SPMAP2L: variants seen among roughly 807,000 people sequenced by gnomAD.
SPMAP2L encodes the protein sperm microtubule associated protein 2-like.
chr4:56,593,157 A>C, the SPMAP2L span: 1 of 1,563,200 alleles, frequency 6.4e-7, no homozygotes, highest in Non-Finnish European at 8.8e-7. Flanking sequence ...TACCAGCCTG[A>C]GGTGTCTCAG....
the SPMAP2L span, among the ~76,000 whole-genome samples, chr4:56,540,245 T>G: frequency 6.6e-6 from 1 of 152,102 alleles, no homozygotes. Flanking sequence ...GGACCGGCAT[T>G]CAAAGCCATA....
At chr4:56,564,718 T>C in the SPMAP2L span, among the ~76,000 whole-genome samples, 1 of 152,164 alleles carries the variant, frequency 6.6e-6, no homozygotes, top group African/African-American at 2.4e-5. Flanking sequence ...TTTATTTTAT[T>C]TGCTTTTCTT....
the SPMAP2L span, among the ~76,000 whole-genome samples, chr4:56,584,943 G>A: frequency 2.6e-5 from 4 of 152,200 alleles, no homozygotes; most frequent in Non-Finnish European, 4.4e-5. Context: ...ATAGGGGCAA[G>A]TCAGCAGTTC....
At chr4:56,565,822 T>C in the SPMAP2L span, among the ~76,000 whole-genome samples, 3 of 152,174 alleles carry the variant, frequency 2.0e-5, no homozygotes, top group African/African-American at 4.8e-5. Flanking sequence ...AGGGATACAG[T>C]TAACCCCTTT....
At chr4:56,575,505 G>T in the SPMAP2L span, 1 of 1,534,504 alleles carries the variant, frequency 6.5e-7, no homozygotes, top group South Asian at 1.2e-5. Context: ...CAACTTGCAG[G>T]GCTCAATACT....
chr4:56,603,432 C>T, the SPMAP2L span: 1 of 718,224 alleles, frequency 1.4e-6, no homozygotes, highest in Non-Finnish European at 2.1e-6. Flanking sequence ...CTTGCTTCCC[C>T]TCCCACAAAA....
the SPMAP2L span, among the ~76,000 whole-genome samples, chr4:56,557,562 A>C: frequency 3.3e-5 from 5 of 152,220 alleles, no homozygotes; most frequent in African/African-American, 1.2e-4. Context: ...AAACTCTGGA[A>C]ATGGAAATGA....
At chr4:56,546,274 G>T in the SPMAP2L span, among the ~76,000 whole-genome samples, 1 of 152,136 alleles carries the variant, frequency 6.6e-6, no homozygotes, top group African/African-American at 2.4e-5. Flanking sequence ...ATACTTAGTT[G>T]CAGAGAGCCT....
the SPMAP2L span, among the ~76,000 whole-genome samples, chr4:56,601,995 G>A: frequency 4.6e-5 from 7 of 152,116 alleles, no homozygotes; most frequent in Non-Finnish European, 7.4e-5. Context: ...TGCCTTTGGG[G>A]GCCTAGGGAA....
chr4:56,609,249 G>A, the SPMAP2L span, among the ~76,000 whole-genome samples: 1 of 151,846 alleles, frequency 6.6e-6, no homozygotes, highest in Non-Finnish European at 1.5e-5. Flanking sequence ...CACCATGTTG[G>A]CCAGACTGGT....
the SPMAP2L span, among the ~76,000 whole-genome samples, chr4:56,614,551 G>A: frequency 3.3e-5 from 5 of 152,110 alleles, no homozygotes; most frequent in Non-Finnish European, 5.9e-5. Flanking sequence ...CTGCCCCAGA[G>A]GCTGAGGCAG....
At chr4:56,617,982 T>TG in the SPMAP2L span, among the ~76,000 whole-genome samples, 2 of 152,208 alleles carry the variant, frequency 1.3e-5, no homozygotes, top group African/African-American at 4.8e-5. Flanking sequence ...CAGCCGCTTA[T>TG]GTCTTCTTCT....
the SPMAP2L span, among the ~76,000 whole-genome samples, chr4:56,598,860 A>C: frequency 4.6e-5 from 7 of 152,010 alleles, no homozygotes; most frequent in Non-Finnish European, 1.0e-4. Flanking sequence ...AGGTGGAAAT[A>C]ATTGACTCAT....
At chr4:56,604,665 AAAAAG>A in the SPMAP2L span, among the ~76,000 whole-genome samples, 12 of 152,142 alleles carry the variant, frequency 7.9e-5, no homozygotes, top group Middle Eastern at 3.4e-3. Flanking sequence ...TCTCAAAAAA[AAAAAG>A]AAAAGAAAAG....
chr4:56,594,382 A>G, the SPMAP2L span: 1 of 1,578,666 alleles, frequency 6.3e-7, no homozygotes, highest in South Asian at 1.1e-5. Context: ...CATGGAAAGA[A>G]TTTGCAAACA....
chr4:56,584,526 C>A, the SPMAP2L span: 14 of 1,535,330 alleles, frequency 9.1e-6, no homozygotes, highest in East Asian at 2.7e-4. Context: ...GCAAGAGATT[C>A]TCTTCGAATC....
chr4:56,590,882 C>T, the SPMAP2L span, among the ~76,000 whole-genome samples: 136,726 of 152,272 alleles, frequency 0.9, 61,688 homozygotes, highest in African/African-American at 0.98. Context: ...AAATGTTTAA[C>T]TAGTACTTTG....
At chr4:56,569,512 A>T in the SPMAP2L span, among the ~76,000 whole-genome samples, 51 of 151,448 alleles carry the variant, frequency 3.4e-4, 1 homozygote, top group South Asian at 1.3e-3. Context: ...TTTTTTTTTA[A>T]AAAAATGGGA....
chr4:56,566,273 A>G, the SPMAP2L span, among the ~76,000 whole-genome samples: 1 of 152,116 alleles, frequency 6.6e-6, no homozygotes, highest in Non-Finnish European at 1.5e-5. Flanking sequence ...ATCTTGGCTC[A>G]CTGCAACCTC....
Sources: gnomAD v4.1 joint callset for allele counts (sites outside exome capture counted in the v4.1 genomes callset) on GRCh38, gnomAD v4.1.1 for gene constraint, MANE v1.5 for transcripts, NCBI Gene and HGNC (gene_info 2026-07-23, HGNC 2026-07-21) for gene names.